PTPRD: variants seen among roughly 807,000 people sequenced by gnomAD.
PTPRD encodes the protein receptor-type tyrosine-protein phosphatase delta.
A neutral mutation model predicts 214.5 loss-of-function variants in PTPRD; 34 were observed. That is an observed-to-expected ratio of 0.16 (90% CI 0.12 to 0.21). The LOEUF (loss-of-function observed/expected upper bound fraction) is 0.21, where lower values mean the gene tolerates loss of function less well. Ranked by LOEUF, PTPRD falls within the 10% of genes least tolerant of loss-of-function variation. The pLI, the probability that PTPRD is intolerant of heterozygous loss-of-function variation, is 1.00. For synonymous variants in PTPRD, 1,128 were observed against 845.7 expected (o/e 1.33, Z -5.79); for missense variants, 2,545 against 2,398.7 (o/e 1.06, Z -1.27).
At chr9:9,330,756 G>T (rs1476973720) in intron 9 of PTPRD, among the ~76,000 whole-genome samples, 1 of 151,752 alleles carries the variant, frequency 6.6e-6, no homozygotes, top group Non-Finnish European at 1.5e-5. Flanking sequence ...TTGAATTTTT[G>T]CTTAGGGGAA....
At chr9:10,042,381 T>A (rs976790001) in intron 3 of PTPRD, among the ~76,000 whole-genome samples, 1 of 151,938 alleles carries the variant, frequency 6.6e-6, no homozygotes, top group Non-Finnish European at 1.5e-5. Flanking sequence ...GCACCATAGA[T>A]TGCCAACTTA....
chr9:9,136,046 A>G (rs1444974787), intron 10 of PTPRD, among the ~76,000 whole-genome samples: 3 of 152,188 alleles, frequency 2.0e-5, no homozygotes, highest in Non-Finnish European at 4.4e-5. Context: ...TAGTAATTTG[A>G]GAGAACAACA....
chr9:8,963,270 T>C (rs1198555975), intron 11 of PTPRD, among the ~76,000 whole-genome samples: 1 of 152,126 alleles, frequency 6.6e-6, no homozygotes, highest in Admixed American at 6.6e-5. Context: ...TATAGTTACT[T>C]TTCAGAGGAC....
chr9:10,068,120 G>C (rs892846607), intron 3 of PTPRD, among the ~76,000 whole-genome samples: 1 of 151,926 alleles, frequency 6.6e-6, no homozygotes, highest in African/African-American at 2.4e-5. Context: ...AACACATCTA[G>C]GAACACTGAG....
At chr9:8,327,998 G>C (rs1174334076) in intron 44 of PTPRD, among the ~76,000 whole-genome samples, 1 of 152,072 alleles carries the variant, frequency 6.6e-6, no homozygotes, top group Non-Finnish European at 1.5e-5. Flanking sequence ...CTTTTAATTG[G>C]GGGCATTTAG....
intron 7 of PTPRD, among the ~76,000 whole-genome samples, chr9:9,633,594 T>G (rs1224308220): frequency 6.6e-6 from 1 of 152,184 alleles, no homozygotes; most frequent in Non-Finnish European, 1.5e-5. Flanking sequence ...GAGAGATATT[T>G]CTAGCTCACT....
At chr9:9,347,918 G>A (rs2049493990) in intron 9 of PTPRD, among the ~76,000 whole-genome samples, 1 of 152,136 alleles carries the variant, frequency 6.6e-6, no homozygotes, top group African/African-American at 2.4e-5. Context: ...CATTGCTTAT[G>A]TCCTTTTCAG....
intron 31 of PTPRD, among the ~76,000 whole-genome samples, chr9:8,467,432 G>A (rs904318784): frequency 4.0e-5 from 6 of 151,724 alleles, no homozygotes; most frequent in Non-Finnish European, 8.8e-5. Context: ...CTGTTCTAGG[G>A]ATCCTAAACA....
At chr9:10,112,587 A>T (rs980134276) in intron 3 of PTPRD, among the ~76,000 whole-genome samples, 1 of 152,248 alleles carries the variant, frequency 6.6e-6, no homozygotes, top group Admixed American at 6.5e-5. Flanking sequence ...GTGTAACAGC[A>T]TATGATTAAC....
At chr9:9,921,628 AG>A (rs1441694485) in intron 5 of PTPRD, among the ~76,000 whole-genome samples, 1 of 147,910 alleles carries the variant, frequency 6.8e-6, no homozygotes, top group African/African-American at 2.6e-5. Flanking sequence ...TAAAATTAAA[AG>A]CCCTGATTTT....
chr9:9,051,174 T>A (rs2099684642), intron 10 of PTPRD, among the ~76,000 whole-genome samples: 1 of 152,118 alleles, frequency 6.6e-6, no homozygotes, highest in Non-Finnish European at 1.5e-5. Flanking sequence ...AAATTATAGA[T>A]TTTAAAAAAT....
intron 9 of PTPRD, among the ~76,000 whole-genome samples, chr9:9,332,395 AT>A (rs1412371285): frequency 6.6e-6 from 1 of 151,990 alleles, no homozygotes; most frequent in Non-Finnish European, 1.5e-5. Flanking sequence ...AGTATATTCC[AT>A]TTTGTCTAGT....
chr9:10,376,445 T>C (rs1485539153), intron 2 of PTPRD, among the ~76,000 whole-genome samples: 1 of 151,590 alleles, frequency 6.6e-6, no homozygotes, highest in East Asian at 2.0e-4. Flanking sequence ...CTGCTTGCCT[T>C]CTAGAGGGGC....
intron 9 of PTPRD, among the ~76,000 whole-genome samples, chr9:9,384,477 C>A (rs925119576): frequency 1.4e-5 from 2 of 143,894 alleles, no homozygotes; most frequent in Admixed American, 1.5e-4. Flanking sequence ...ATGTTGAGGT[C>A]GAGTTTTTGA....
intron 44 of PTPRD, among the ~76,000 whole-genome samples, chr9:8,322,271 C>G (rs140966690): frequency 6.6e-6 from 1 of 152,156 alleles, no homozygotes; most frequent in African/African-American, 2.4e-5. Flanking sequence ...GTGTATCTAA[C>G]TAACTTTAAA....
intron 14 of PTPRD, among the ~76,000 whole-genome samples, chr9:8,582,343 G>C (rs937368909): frequency 2.6e-5 from 4 of 152,184 alleles, no homozygotes; most frequent in African/African-American, 7.2e-5. Context: ...CCTTGAGTCA[G>C]AATATTTTTT....
chr9:10,147,059 C>T (rs759566538), intron 3 of PTPRD, among the ~76,000 whole-genome samples: 20 of 152,152 alleles, frequency 1.3e-4, no homozygotes, highest in Non-Finnish European at 2.5e-4. Flanking sequence ...TTAACATTGT[C>T]ACAGAAGCTA....
chr9:8,405,589 A>G (rs545811738), intron 35 of PTPRD, among the ~76,000 whole-genome samples: 3 of 152,280 alleles, frequency 2.0e-5, no homozygotes, highest in African/African-American at 7.2e-5. Context: ...TATGGAAATC[A>G]AAATACTTTT....
At chr9:9,846,391 A>G (rs1445205716) in intron 5 of PTPRD, among the ~76,000 whole-genome samples, 7 of 152,166 alleles carry the variant, frequency 4.6e-5, no homozygotes, top group African/African-American at 1.7e-4. Flanking sequence ...CAACTTTCAT[A>G]TGAAGATACA....
Sources: allele counts gnomAD v4.1 joint callset (sites outside exome capture counted in the v4.1 genomes callset), GRCh38; gene constraint gnomAD v4.1.1; transcripts MANE v1.5; gene names NCBI Gene and HGNC (gene_info 2026-07-23, HGNC 2026-07-21).